DDO: variants seen among roughly 807,000 people sequenced by gnomAD.
DDO encodes D-aspartate oxidase, also known as D-aspartate oxidase, DDO.
A neutral mutation model predicts 16.8 loss-of-function variants in DDO; 16 were observed. That is an observed-to-expected ratio of 0.95 (90% confidence interval 0.65 to 1.45). DDO has a LOEUF of 1.45. Among genes scored for constraint, DDO ranks in the 40% most tolerant of loss-of-function variants. The probability of loss-of-function intolerance (pLI) is 0.00; values close to 1 mark genes in which losing one functional copy is unlikely to be tolerated. For missense variants in DDO, 429 were observed against 420.3 expected (o/e 1.02, Z -0.18); for synonymous variants, 180 against 167.2 (o/e 1.08, Z -0.59).
intron 2 of DDO, among the ~76,000 whole-genome samples, chr6:110,411,268 A>G (rs953496495): frequency 6.6e-6 from 1 of 152,222 alleles, no homozygotes; most frequent in Non-Finnish European, 1.5e-5. Context: ...GCAAACACTC[A>G]GAAATTCCCA....
At chr6:110,408,237 T>C in intron 3 of DDO, 97 bp downstream of exon 3, 1 of 1,149,318 alleles carries the variant, frequency 8.7e-7, no homozygotes. Context: ...GTCAGCACTC[T>C]GCTCACAACA....
At chr6:110,399,990 C>T (rs1002451764) in intron 4 of DDO, among the ~76,000 whole-genome samples, 1 of 152,214 alleles carries the variant, frequency 6.6e-6, no homozygotes, top group African/African-American at 2.4e-5. Context: ...GCGGCGTATT[C>T]CCAGGCACCG....
Position 110,411,728 on chromosome 6 carries a change from A to G in DDO, c.172+1563T>C, listed in dbSNP as rs556345522. ...CATATTAACTTTTCCAGAAAGAGGG[A>G]AAAGGACTTCAGAAGGGAGGACGGT... On this transcript the variant is annotated intron_variant, in intron 2 of 4. Coordinates refer to ENST00000368924, the MANE Select transcript of DDO (RefSeq NM_001372108.2). 1.0e-3 allele frequency among the ~76,000 whole-genome samples: 152 copies of G among 152,298 alleles called. 1 individual carries two copies. Among genetic ancestry groups the G allele is most frequent in the African/African-American group, 3.4e-3 (142 of 41,568 alleles).
At chr6:110,409,170 A>C (rs1773764347) in intron 2 of DDO, among the ~76,000 whole-genome samples, 1 of 152,214 alleles carries the variant, frequency 6.6e-6, no homozygotes, top group African/African-American at 2.4e-5. Flanking sequence ...GGACCCAGAC[A>C]CAACTTTTGG....
Position 110,393,106 on chromosome 6 carries a change from G to A in DDO, c.695C>T (p.Thr232Ile), listed in dbSNP as rs1350208153. The change falls in exon 5 of 5, where the codon ACC becomes ATC. Residue 232 changes from threonine to isoleucine, a missense_variant. Coordinates refer to ENST00000368924, the MANE Select transcript of DDO (RefSeq NM_001372108.2). ...CCCTTTTTGCCTAGTTCCACCTAGG[G>A]TTACATGGGATGTACCAGGATAAAT... ...TYIYPGTSHV[T>I]LGGTRQKGDW... The A allele has an allele frequency of 2.5e-6, 4 of 1,613,896 alleles. No individual in the cohort carries two copies. The South Asian group carries it at 3.3e-5, about 13-fold the overall frequency.
chr6:110,394,349 C>G (rs1318840685), intron 4 of DDO, among the ~76,000 whole-genome samples: 2 of 152,144 alleles, frequency 1.3e-5, no homozygotes, highest in Admixed American at 6.5e-5. Context: ...TCAGTCGATC[C>G]ACCTGCCTCT....
In DDO at chr6:110,394,558, G is replaced by A. The variant is rs147258121; in HGVS notation, c.459-1216C>T. ...AGACGCAGGCCGAATGCTTGCATGC[G>A]GGGCACTGCTAAGAGGGACCAGAAG... On this transcript the variant is annotated intron_variant, in intron 4 of 4. Transcript: ENST00000368924. 1.1e-3 allele frequency among the ~76,000 whole-genome samples: 160 copies of A among 152,308 alleles called. 1 individual carries two copies. In the Middle Eastern group the frequency reaches 0.014, roughly 13 times the overall value.
rs1394870596 is a variant in DDO at position 110,393,226 on chromosome 6, C to T, written c.575G>A (p.Gly192Glu). 3 of 1,614,238 alleles carry T rather than the reference C, an allele frequency of 1.9e-6. No homozygotes were observed. The highest frequency in any genetic ancestry group is 1.3e-5 in the African/African-American group (1 of 75,072). Reference sequence around the variant, plus strand: ...CCTTACAGGGAAAATCTTTGAGTCTCCTGCAAGCTGTCTGCTTCCAAGGCC... The same window carrying T: ...CCTTACAGGGAAAATCTTTGAGTCTTCTGCAAGCTGTCTGCTTCCAAGGCC... ...CSGLGSRQLA[G>E]DSKIFPVRGQ... is the part of the protein sequence containing the mutation. Residue 192 changes from glycine to glutamate, a missense_variant, in exon 5 of 5, where the codon GGA (glycine) becomes GAA (glutamate). By Grantham distance (98) the Gly-to-Glu change is moderately conservative (BLOSUM62 -2). Transcript: ENST00000368924.
chr6:110,413,209 G>T, intron 2 of DDO, 82 bp downstream of exon 2: 2 of 1,492,674 alleles, frequency 1.3e-6, no homozygotes, highest in African/African-American at 1.4e-5. Flanking sequence ...CCTATAGCCA[G>T]CTGTCTTTTG....
intron 1 of DDO, among the ~76,000 whole-genome samples, chr6:110,415,151 C>T (rs1347149920): frequency 6.6e-6 from 1 of 152,208 alleles, no homozygotes; most frequent in Non-Finnish European, 1.5e-5. Flanking sequence ...CGGGCCCAGG[C>T]CAGAGCAGTC....
In DDO at chr6:110,413,296, T is replaced by G. The variant is rs1320336363; in HGVS notation, c.167A>C (p.Tyr56Ser). The G allele has an allele frequency of 1.2e-6, 2 of 1,613,968 alleles. No individual in the cohort carries two copies. Among genetic ancestry groups the G allele is most frequent in the East Asian group, 2.2e-5 (1 of 44,898 alleles). ...GAGGAGCTGAAATCTCTCACCTGGATAAGTGTGAGGAATAAGCATTCCGGC... is the reference window on the plus strand; with the variant it reads ...GAGGAGCTGAAATCTCTCACCTGGAGAAGTGTGAGGAATAAGCATTCCGGC... Reference protein sequence around the residue: ...VAAGMLIPHTYPDTPIHTQKQ... With the variant: ...VAAGMLIPHTSPDTPIHTQKQ... Residue 56 changes from tyrosine to serine, a missense_variant, in exon 2 of 5, where the codon TAT (tyrosine) becomes TCT (serine). Coordinates refer to ENST00000368924, the MANE Select transcript of DDO (RefSeq NM_001372108.2).
intron 4 of DDO, among the ~76,000 whole-genome samples, chr6:110,395,839 G>A (rs1773271499): frequency 6.6e-6 from 1 of 152,144 alleles, no homozygotes; most frequent in African/African-American, 2.4e-5. Flanking sequence ...GTTAAGATCA[G>A]CAGAAAACTG....
chr6:110,391,056 C>T (rs901768661), downstream of DDO, among the ~76,000 whole-genome samples: 7 of 152,150 alleles, frequency 4.6e-5, no homozygotes, highest in African/African-American at 1.7e-4. Flanking sequence ...AGAAAAGAGC[C>T]CACACTTGAT....
intron 1 of DDO, among the ~76,000 whole-genome samples, chr6:110,414,306 G>A (rs938035657): frequency 5.3e-5 from 8 of 152,140 alleles, no homozygotes; most frequent in African/African-American, 4.8e-5. Context: ...CACTGTCACC[G>A]GCCCCCTGTC....
At chr6:110,393,432 T>C in intron 4 of DDO, 90 bp from the exon 5 acceptor site, 1 of 1,480,446 alleles carries the variant, frequency 6.8e-7, no homozygotes, top group Middle Eastern at 2.1e-4. Flanking sequence ...GGAACAAAAA[T>C]TAGGTGATGA....
intron 3 of DDO, among the ~76,000 whole-genome samples, chr6:110,405,898 C>CA (rs573281449): frequency 0.011 from 1,462 of 139,052 alleles, 11 homozygotes; most frequent in South Asian, 0.023. Flanking sequence ...GACCCTGCCT[C>CA]AAAAAAAAAA....
chr6:110,413,689 C>T (rs181760991), intron 1 of DDO, among the ~76,000 whole-genome samples: 1 of 152,158 alleles, frequency 6.6e-6, no homozygotes, highest in African/African-American at 2.4e-5. Context: ...GAGAGTAACA[C>T]AAAACTGGCT....
intron 2 of DDO, among the ~76,000 whole-genome samples, chr6:110,410,235 C>T (rs954759465): frequency 1.3e-5 from 2 of 152,188 alleles, no homozygotes; most frequent in Non-Finnish European, 2.9e-5. Context: ...GAGAACCAGC[C>T]ACCTGGCCAA....
chr6:110,401,203 A>G (rs558750481), intron 4 of DDO, among the ~76,000 whole-genome samples: 286 of 152,336 alleles, frequency 1.9e-3, no homozygotes, highest in Middle Eastern at 3.4e-3. Context: ...TTGGACTTCC[A>G]GGTGGTTGTG....
Sources: gnomAD v4.1 joint callset for allele counts (sites outside exome capture counted in the v4.1 genomes callset) on GRCh38, gnomAD v4.1.1 for gene constraint, MANE v1.5 for transcripts, NCBI Gene and HGNC (gene_info 2026-07-23, HGNC 2026-07-21) for gene names.